Variants in SRRM3 observed in about 807,000 individuals in gnomAD.
The protein encoded by SRRM3 is serine/arginine repetitive matrix protein 3.
Under a neutral mutation model 66.2 loss-of-function variants are expected in SRRM3, and 27 were observed. The observed-to-expected ratio is 0.41, with a 90% confidence interval of 0.30 to 0.56. The LOEUF is 0.56. SRRM3 is among the 20% of genes least tolerant of loss of function. SRRM3 has a pLI of 0.32. For synonymous variants in SRRM3, 391 were observed against 414.9 expected, an observed-to-expected ratio of 0.94 and a Z score of 0.70; for missense variants, 918 against 991.9, an observed-to-expected ratio of 0.93 and a Z score of 1.00.
At chr7:76,265,562 G>A in intron 10 of SRRM3, 94 bp downstream of exon 10, 1 of 978,906 alleles carries the variant, frequency 1.0e-6, no homozygotes, top group East Asian at 2.9e-5. Flanking sequence ...CTGGTGGACA[G>A]AATGTCAATT....
chr7:76,213,589 G>C (rs1432516165), intron 1 of SRRM3, among the ~76,000 whole-genome samples: 7 of 152,106 alleles, frequency 4.6e-5, no homozygotes, highest in African/African-American at 1.2e-4. Flanking sequence ...GTCAGTGCAA[G>C]CATGGGGCCT....
intron 1 of SRRM3, among the ~76,000 whole-genome samples, chr7:76,213,985 C>T (rs1554602220): frequency 6.6e-6 from 1 of 152,014 alleles, no homozygotes; most frequent in East Asian, 1.9e-4. Context: ...CACCATGTAG[C>T]CCAGGCTGGT....
intron 9 of SRRM3, 150 bp from the exon 10 acceptor site, chr7:76,265,214 A>G (rs1801978092): frequency 1.7e-6 from 1 of 573,698 alleles, no homozygotes; most frequent in Non-Finnish European, 3.0e-6. Flanking sequence ...CTGCTGATGT[A>G]CCTTTTATAG....
chr7:76,205,636 T>A lies in SRRM3; in HGVS notation c.-40+3569T>A, dbSNP rs78289829. Among the ~76,000 whole-genome samples, 2,153 of 152,334 alleles carry A rather than the reference T, an allele frequency of 0.014. 75 individuals are homozygous for A. In the East Asian group the frequency reaches 0.14, roughly 10 times the overall value. ...ATGCCTGTGGTCCTTGGGGGCCTCC[T>A]GGGCTCTGGTGAACAACCCTGAGAG... is the stretch of plus-strand genomic sequence containing the variant. On this transcript the variant is annotated intron_variant, in intron 1 of 14. Transcript: ENST00000611745.
intron 1 of SRRM3, among the ~76,000 whole-genome samples, chr7:76,223,570 A>G (rs1800775793): frequency 6.6e-6 from 1 of 152,262 alleles, no homozygotes; most frequent in South Asian, 2.1e-4. Flanking sequence ...GAGTTTCACA[A>G]CTTAAGGACC....
intron 2 of SRRM3, among the ~76,000 whole-genome samples, chr7:76,239,159 A>G (rs141949370): frequency 8.8e-4 from 134 of 151,798 alleles, no homozygotes; most frequent in Non-Finnish European, 1.5e-3. Context: ...CAGCCTTCCG[A>G]GTAGCTGGGA....
chr7:76,266,872 C>T (rs1280347419), intron 10 of SRRM3, among the ~76,000 whole-genome samples: 1 of 151,438 alleles, frequency 6.6e-6, no homozygotes, highest in Non-Finnish European at 1.5e-5. Context: ...GGGATTTCGC[C>T]ATTTCGAACA....
intron 1 of SRRM3, among the ~76,000 whole-genome samples, chr7:76,215,512 C>T (rs1800541760): frequency 6.6e-6 from 1 of 150,946 alleles, no homozygotes. Context: ...AATGATCCTC[C>T]CACCTCAGCC....
intron 1 of SRRM3, among the ~76,000 whole-genome samples, chr7:76,215,420 T>TTTA (rs1176429284): frequency 1.4e-5 from 2 of 147,534 alleles, no homozygotes; most frequent in Non-Finnish European, 1.5e-5. Flanking sequence ...TTTTTTTTTT[T>TTTA]AGACAGGGTC....
intron 3 of SRRM3, among the ~76,000 whole-genome samples, chr7:76,249,108 G>A (rs1801510435): frequency 6.6e-6 from 1 of 152,168 alleles, no homozygotes; most frequent in Non-Finnish European, 1.5e-5. Context: ...GTGTAAGACT[G>A]GGCATGGTGG....
intron 2 of SRRM3, among the ~76,000 whole-genome samples, chr7:76,239,254 G>A (rs1801224781): frequency 6.6e-6 from 1 of 152,116 alleles, no homozygotes; most frequent in East Asian, 1.9e-4. Context: ...GGCTGGTCTC[G>A]AACTCCTGAC....
intron 1 of SRRM3, among the ~76,000 whole-genome samples, chr7:76,204,014 G>A (rs927311340): frequency 6.6e-6 from 1 of 152,048 alleles, no homozygotes; most frequent in Non-Finnish European, 1.5e-5. Context: ...CTGCCAAAGG[G>A]GGGGTCTGGG....
intron 1 of SRRM3, among the ~76,000 whole-genome samples, chr7:76,203,107 TG>T (rs1800201041): frequency 6.6e-6 from 1 of 152,214 alleles, no homozygotes; most frequent in Admixed American, 6.5e-5. Context: ...CTTAAGGTCA[TG>T]GCCCCAGTTT....
intron 1 of SRRM3, among the ~76,000 whole-genome samples, chr7:76,212,717 C>T (rs1246681788): frequency 6.6e-6 from 1 of 152,174 alleles, no homozygotes; most frequent in African/African-American, 2.4e-5. Context: ...GATCCTCCCA[C>T]CTTGGCCTCC....
At chr7:76,277,363 T>G (rs1802374563) in intron 11 of SRRM3, among the ~76,000 whole-genome samples, 1 of 152,160 alleles carries the variant, frequency 6.6e-6, no homozygotes, top group African/African-American at 2.4e-5. Flanking sequence ...CCTGTGGTCT[T>G]CCTCGCCTAC....
chr7:76,284,699 T>G (rs1413669149), intron 14 of SRRM3, among the ~76,000 whole-genome samples: 35 of 152,198 alleles, frequency 2.3e-4, no homozygotes, highest in Non-Finnish European at 7.4e-5. Flanking sequence ...TCTCCCAGGC[T>G]GCCTCCTCCT....
At chr7:76,240,812 C>T (rs1348498533) in intron 2 of SRRM3, among the ~76,000 whole-genome samples, 4 of 152,184 alleles carry the variant, frequency 2.6e-5, no homozygotes, top group Admixed American at 1.3e-4. Context: ...ACACGTGGGC[C>T]AAGAGGCTGG....
chr7:76,230,486 CA>C (rs200662124), intron 1 of SRRM3, among the ~76,000 whole-genome samples: 22 of 150,918 alleles, frequency 1.5e-4, no homozygotes, highest in African/African-American at 4.4e-4. Context: ...CCCATCTCTA[CA>C]AAAAAAAATT....
intron 1 of SRRM3, among the ~76,000 whole-genome samples, chr7:76,202,664 G>T (rs1800182337): frequency 6.6e-6 from 1 of 152,150 alleles, no homozygotes; most frequent in South Asian, 2.1e-4. Context: ...TTGGGAGGGG[G>T]TTCTCTGTGC....
Sources: allele counts gnomAD v4.1 joint callset (sites outside exome capture counted in the v4.1 genomes callset), GRCh38; gene constraint gnomAD v4.1.1; transcripts MANE v1.5; gene names NCBI Gene and HGNC (gene_info 2026-07-23, HGNC 2026-07-21).